ADSL: variants seen among roughly 807,000 people sequenced by gnomAD.
The protein encoded by ADSL is adenylosuccinase.
In ADSL, 44 loss-of-function variants were observed where a neutral mutation model predicts 62.1. The ratio of observed to expected loss-of-function variants is 0.71; its 90% CI spans 0.56 to 0.91. ADSL has a LOEUF of 0.91. Ranked by LOEUF, ADSL falls within the 40% of genes least tolerant of loss-of-function variation. The pLI is 0.00. For synonymous variants in ADSL, 198 were observed against 220.5 expected, an observed-to-expected ratio of 0.90 and a Z score of 0.90; for missense variants, 531 against 627.4, an observed-to-expected ratio of 0.85 and a Z score of 1.64.
downstream of ADSL, chr22:40,373,575 T>C (rs1364420622): frequency 1.3e-5 from 2 of 152,228 alleles, no homozygotes; most frequent in Non-Finnish European, 2.9e-5. Flanking sequence ...TTTATACATG[T>C]CAATGTATGT....
At chr22:40,370,867 C>G (rs1264309798), downstream of ADSL, among the ~76,000 whole-genome samples, 1 of 152,106 alleles carries the variant, frequency 6.6e-6, no homozygotes, top group Non-Finnish European at 1.5e-5. Flanking sequence ...CTCGCGTCGC[C>G]GTTGGAATGG....
At chr22:40,358,197 G>C (rs1471703776) in intron 4 of ADSL, among the ~76,000 whole-genome samples, 1 of 152,130 alleles carries the variant, frequency 6.6e-6, no homozygotes, top group Non-Finnish European at 1.5e-5. Flanking sequence ...TCAGATACTT[G>C]GCAAATATTA....
At position 40,366,625 on chromosome 22, in the gene ADSL, G is replaced by T. The variant is rs2045017537; in HGVS notation, c.*103G>T. 8.4e-6 allele frequency: 7 copies of T among 835,590 alleles called. No homozygotes were observed. Among genetic ancestry groups the T allele is most frequent in the Non-Finnish European group, 1.4e-5 (7 of 496,100 alleles). 51.8% of individuals were successfully genotyped at this position (835,590 alleles called of 1,614,324 possible). ...CCTCGAGAATTGTTACCTTAAATTA[G>T]TACAGCACTTTCTTCTTCCCATGGT... On this transcript the variant is annotated 3_prime_UTR_variant, in exon 13 of 13. Transcript: ENST00000623063.
intron 2 of ADSL, chr22:40,379,505 A>T (rs550502663): frequency 6.6e-6 from 1 of 152,248 alleles, no homozygotes; most frequent in African/African-American, 2.4e-5. Context: ...TGTGGGGTGG[A>T]GGGTGACTGA....
At chr22:40,354,386 TC>T in intron 4 of ADSL, 59 bp downstream of exon 4, 1 of 1,322,648 alleles carries the variant, frequency 7.6e-7, no homozygotes, top group Non-Finnish European at 1.1e-6. Context: ...CTTCTTGAGT[TC>T]TCTGTTTTCC....
chr22:40,353,873 G>A (rs954080571), intron 3 of ADSL: 20 of 330,356 alleles, frequency 6.1e-5, no homozygotes, highest in African/African-American at 2.8e-4. Flanking sequence ...TGATCCGCCC[G>A]TCTTGGCCTC....
At chr22:40,361,200 G>A (rs1332123615) in intron 7 of ADSL, 73 bp from the exon 8 acceptor site, 8 of 1,417,886 alleles carry the variant, frequency 5.6e-6, no homozygotes, top group Non-Finnish European at 8.0e-6. Flanking sequence ...TCCTTCATCA[G>A]CCTAGTCACA....
downstream of ADSL, among the ~76,000 whole-genome samples, chr22:40,371,050 C>CT (rs2045345439): frequency 6.6e-6 from 1 of 152,254 alleles, no homozygotes; most frequent in African/African-American, 2.4e-5. Context: ...TAAAAAGAGC[C>CT]TGGCTGGCTC....
intron 2 of ADSL, among the ~76,000 whole-genome samples, chr22:40,379,105 TAC>T (rs2047131641): frequency 6.6e-6 from 1 of 152,220 alleles, no homozygotes; most frequent in South Asian, 2.1e-4. Context: ...TCATCTGACA[TAC>T]AGTGTGGTCT....
At chr22:40,348,493 C>G (rs2044226211) in intron 1 of ADSL, 4 of 398,572 alleles carry the variant, frequency 1.0e-5, no homozygotes, top group Non-Finnish European at 1.8e-5. Flanking sequence ...AAGCTGTCCT[C>G]TCACCTCAGC....
At chr22:40,363,172 A>C in intron 10 of ADSL, 101 bp downstream of exon 10, 5 of 1,117,594 alleles carry the variant, frequency 4.5e-6, no homozygotes, top group Non-Finnish European at 6.8e-6. Context: ...CTGATCCGAT[A>C]GGCATTCTTC....
chr22:40,386,509 GT>G (rs2048467536), intron 2 of ADSL, among the ~76,000 whole-genome samples: 1 of 148,242 alleles, frequency 6.7e-6, no homozygotes, highest in African/African-American at 2.5e-5. Flanking sequence ...GAGACTTCTG[GT>G]CTGGCTATGC....
chr22:40,371,199 G>A (rs1017089378), downstream of ADSL, among the ~76,000 whole-genome samples: 2 of 152,240 alleles, frequency 1.3e-5, no homozygotes, highest in African/African-American at 4.8e-5. Flanking sequence ...TTAGCACGGG[G>A]GAAACTGAGG....
intron 2 of ADSL, chr22:40,387,304 T>C (rs1278207000): frequency 2.5e-6 from 1 of 398,124 alleles, no homozygotes; most frequent in African/African-American, 2.1e-5. Context: ...TGTAGTATAA[T>C]TACCATTCTT....
intron 2 of ADSL, chr22:40,379,356 T>A (rs527827431): frequency 6.5e-6 from 1 of 152,710 alleles, no homozygotes; most frequent in South Asian, 2.1e-4. Context: ...TCGTACCTTT[T>A]CTCTGTTGCT....
intron 2 of ADSL, among the ~76,000 whole-genome samples, chr22:40,375,492 A>T (rs1013668521): frequency 6.6e-6 from 1 of 151,956 alleles, no homozygotes; most frequent in African/African-American, 2.4e-5. Flanking sequence ...AGGCAGGAGA[A>T]TCACTTGAAC....
Position 40,346,501 on chromosome 22 carries a change from G to T in ADSL, c.-58G>T. ...CCGCCCCGTCCTGCCCTGGCCTCCA[G>T]GTTTCCGCTTCCGCTCTTCCCTGGT... On this transcript the variant is annotated 5_prime_UTR_variant, in exon 1 of 13. The change creates a new upstream start codon in the 5' untranslated region. Coordinates refer to ENST00000623063, the MANE Select transcript of ADSL (RefSeq NM_000026.4). 6.4e-7 allele frequency: 1 copy of T among 1,550,802 alleles called. No homozygotes were observed. The highest frequency in any genetic ancestry group is 8.7e-7 in the Non-Finnish European group (1 of 1,151,326).
chr22:40,346,838 C>G (rs2044162079), intron 1 of ADSL, 127 bp downstream of exon 1: 1 of 1,037,566 alleles, frequency 9.6e-7, no homozygotes, highest in Admixed American at 2.5e-5. Context: ...GCTGGGTGTT[C>G]CCTGTCCTGA....
chr22:40,368,901 G>C lies in ADSL; in HGVS notation c.*2379G>C, dbSNP rs150682041. 1.3e-5 allele frequency: 2 copies of C among 152,238 alleles called. No individual in the cohort carries two copies. Among genetic ancestry groups the C allele is most frequent in the South Asian group, 4.1e-4 (2 of 4,820 alleles). The allele number at this position is 152,238 out of a possible 1,614,324, so 9.4% of individuals were successfully genotyped here. A position where few individuals can be genotyped will look rare whatever the true frequency, so the allele number is the denominator to read the frequency against. ...ATCATGCCACTGTACTCCAGCCTGG[G>C]CAACGGAGCGAGACTCCATCTGAAA... On this transcript the variant is annotated 3_prime_UTR_variant, in exon 13 of 13. Coordinates refer to ENST00000623063, the MANE Select transcript of ADSL (RefSeq NM_000026.4).
Sources: allele counts gnomAD v4.1 joint callset (sites outside exome capture counted in the v4.1 genomes callset), GRCh38; gene constraint gnomAD v4.1.1; transcripts MANE v1.5; gene names NCBI Gene and HGNC (gene_info 2026-07-23, HGNC 2026-07-21).